PRMT3: variants seen among roughly 807,000 people sequenced by gnomAD.
PRMT3 encodes the protein protein arginine N-methyltransferase 3.
A neutral mutation model predicts 71.9 loss-of-function variants in PRMT3; 62 were observed. That is an observed-to-expected ratio of 0.86 (90% CI 0.70 to 1.07). The LOEUF (loss-of-function observed/expected upper bound fraction) is 1.07. PRMT3 is among the 50% of genes least tolerant of loss of function. The probability of loss-of-function intolerance (pLI) is 0.00; values close to 1 mark genes in which losing one functional copy is unlikely to be tolerated. For missense variants in PRMT3, 663 were observed against 643.0 expected (o/e 1.03, Z -0.34); for synonymous variants, 213 against 220.4 (o/e 0.97, Z 0.30).
At chr11:20,403,534 C>T (rs1284830393) in intron 8 of PRMT3, among the ~76,000 whole-genome samples, 2 of 151,784 alleles carry the variant, frequency 1.3e-5, no homozygotes. Flanking sequence ...TGATCTTATA[C>T]CCTGTGTGTG....
At chr11:20,419,672 TC>T (rs1474892867) in intron 9 of PRMT3, among the ~76,000 whole-genome samples, 1 of 152,210 alleles carries the variant, frequency 6.6e-6, no homozygotes, top group Non-Finnish European at 1.5e-5. Flanking sequence ...CCAGTTTTGT[TC>T]CTTTTTTTGG....
At chr11:20,423,676 AT>A (rs544405499) in intron 9 of PRMT3, among the ~76,000 whole-genome samples, 28 of 151,714 alleles carry the variant, frequency 1.8e-4, no homozygotes, top group Admixed American at 4.6e-4. Context: ...GCCTTTGTTG[AT>A]TTTTTTTCTC....
At chr11:20,431,114 G>A (rs558101210) in intron 10 of PRMT3, among the ~76,000 whole-genome samples, 6 of 152,198 alleles carry the variant, frequency 3.9e-5, no homozygotes, top group African/African-American at 7.2e-5. Context: ...CTAAGTCCAC[G>A]AGGCTTAGCA....
At chr11:20,445,551 A>G (rs1421750644) in intron 10 of PRMT3, among the ~76,000 whole-genome samples, 1 of 152,116 alleles carries the variant, frequency 6.6e-6, no homozygotes, top group Non-Finnish European at 1.5e-5. Flanking sequence ...GAAATGTACC[A>G]TACACAGAAA....
rs921120078 is a variant in PRMT3 at position 20,387,918 on chromosome 11, C to T, written c.29-101C>T. 23 of 1,577,072 alleles carry T rather than the reference C, an allele frequency of 1.5e-5. No homozygotes were observed. The highest frequency in any genetic ancestry group is 1.9e-5 in the Non-Finnish European group (22 of 1,160,424). ...TGAAGGAGGTGCTGAGTGAGGGCCGCGGGCGAACGGGGCGGAGGAGAGCCC... is the reference window on the plus strand; with the variant it reads ...TGAAGGAGGTGCTGAGTGAGGGCCGTGGGCGAACGGGGCGGAGGAGAGCCC... On this transcript the variant is annotated intron_variant, in intron 1 of 15. Coordinates refer to ENST00000331079, the MANE Select transcript of PRMT3 (RefSeq NM_005788.4). This position sits in a 1 kb window ranked among gnomAD's most constrained non-coding sequence, Gnocchi z 4.3.
intron 5 of PRMT3, among the ~76,000 whole-genome samples, chr11:20,393,587 T>C (rs1848763515): frequency 6.6e-6 from 1 of 152,220 alleles, no homozygotes; most frequent in South Asian, 2.1e-4. Context: ...TTGAACATCC[T>C]GAGACAGAAG....
At chr11:20,491,234 T>C (rs1398689293) in intron 13 of PRMT3, among the ~76,000 whole-genome samples, 1 of 152,226 alleles carries the variant, frequency 6.6e-6, no homozygotes, top group Non-Finnish European at 1.5e-5. Flanking sequence ...TTTTGATTCA[T>C]TCCATTGTGT....
At chr11:20,500,139 A>C (rs1303641529) in intron 15 of PRMT3, among the ~76,000 whole-genome samples, 1 of 152,248 alleles carries the variant, frequency 6.6e-6, no homozygotes, top group African/African-American at 2.4e-5. Flanking sequence ...CTTGTGATTT[A>C]AAAAACAATA....
chr11:20,506,351 A>G (rs1405997401), intron 15 of PRMT3, among the ~76,000 whole-genome samples: 1 of 152,244 alleles, frequency 6.6e-6, no homozygotes, highest in Non-Finnish European at 1.5e-5. Context: ...GGAATAGGTC[A>G]GATATAAAAG....
intron 15 of PRMT3, among the ~76,000 whole-genome samples, chr11:20,505,297 A>G (rs570727199): frequency 6.6e-6 from 1 of 152,298 alleles, no homozygotes; most frequent in African/African-American, 2.4e-5. Context: ...AGGACATCTA[A>G]TAGAATACTT....
At chr11:20,423,801 G>T (rs1849477644) in intron 9 of PRMT3, among the ~76,000 whole-genome samples, 1 of 148,456 alleles carries the variant, frequency 6.7e-6, no homozygotes, top group Non-Finnish European at 1.5e-5. Context: ...TTGATCCCGG[G>T]AGTTTGAGGT....
chr11:20,494,069 G>A lies in PRMT3; in HGVS notation c.1399-98G>A, dbSNP rs1201016284. On this transcript the variant is annotated intron_variant, in intron 14 of 15. Coordinates refer to ENST00000331079, the MANE Select transcript of PRMT3 (RefSeq NM_005788.4). Reference sequence around the variant, plus strand: ...GTTTAATCATAAGCATTTTGCTGCTGTAAGCAATTGGGGCTTGTGTTTGAT... The same window carrying A: ...GTTTAATCATAAGCATTTTGCTGCTATAAGCAATTGGGGCTTGTGTTTGAT... 1.0e-5 allele frequency: 15 copies of A among 1,446,222 alleles called. 1 individual carries two copies. In the Admixed American group the frequency reaches 1.1e-4, roughly 10 times the overall value. 89.6% of individuals were successfully genotyped at this position (1,446,222 alleles called of 1,614,324 possible).
intron 13 of PRMT3, among the ~76,000 whole-genome samples, chr11:20,491,008 G>T (rs562257982): frequency 2.8e-4 from 43 of 152,084 alleles, no homozygotes; most frequent in South Asian, 4.2e-4. Context: ...TGACACGTTA[G>T]ATCTATAGGT....
At chr11:20,474,775 A>G (rs10833332) in intron 13 of PRMT3, among the ~76,000 whole-genome samples, 74,159 of 152,124 alleles carry the variant, frequency 0.49, 19,311 homozygotes, top group Non-Finnish European at 0.59. Flanking sequence ...CAGCGAGGCA[A>G]TGGTGCTCTT....
chr11:20,505,876 A>C (rs1851579455), intron 15 of PRMT3, among the ~76,000 whole-genome samples: 1 of 151,636 alleles, frequency 6.6e-6, no homozygotes, highest in African/African-American at 2.4e-5. Context: ...AAAAAAAAAA[A>C]ACAAAACCCA....
At chr11:20,411,352 T>C (rs1849188262) in intron 9 of PRMT3, among the ~76,000 whole-genome samples, 1 of 152,132 alleles carries the variant, frequency 6.6e-6, no homozygotes, top group Admixed American at 6.5e-5. Context: ...TCTCGAACAC[T>C]AATTTTAATG....
In PRMT3 at chr11:20,508,433, T is replaced by C. The variant is rs1189216324; in HGVS notation, c.*20T>C. 9 of 1,529,758 alleles carry C rather than the reference T, an allele frequency of 5.9e-6. No homozygotes were observed. The highest frequency in any genetic ancestry group is 1.7e-5 in the Admixed American group (1 of 59,864). The allele number at this position is 1,529,758 out of a possible 1,614,324, so 94.8% of individuals were successfully genotyped here. ...CAGTGAAACAGCCATAAAAGCACAC[T>C]ACCTTGTAGTTTTTAATGTGGGGGT... On this transcript the variant is annotated 3_prime_UTR_variant, in exon 16 of 16. Transcript: ENST00000331079.
At chr11:20,492,806 C>A (rs1224439254) in intron 13 of PRMT3, among the ~76,000 whole-genome samples, 1 of 152,160 alleles carries the variant, frequency 6.6e-6, no homozygotes, top group African/African-American at 2.4e-5. Flanking sequence ...CACCTCTAAT[C>A]CTAGCACTTT....
At chr11:20,442,536 T>C (rs1849932328) in intron 10 of PRMT3, among the ~76,000 whole-genome samples, 1 of 152,184 alleles carries the variant, frequency 6.6e-6, no homozygotes. Context: ...AAAGTTAGCA[T>C]ATTCTAGATA....
Sources: gnomAD v4.1 joint callset for allele counts (sites outside exome capture counted in the v4.1 genomes callset) on GRCh38, gnomAD v4.1.1 for gene constraint, Gnocchi (gnomAD v3.1) non-coding constraint, MANE v1.5 for transcripts, NCBI Gene and HGNC (gene_info 2026-07-23, HGNC 2026-07-21) for gene names.